Variants in PSPC1 observed in about 807,000 individuals in gnomAD.
PSPC1 encodes the protein paraspeckle component 1.
Under a neutral mutation model 51.6 loss-of-function variants are expected in PSPC1, and 14 were observed. The ratio of observed to expected loss-of-function variants is 0.27; its 90% CI spans 0.18 to 0.42. The LOEUF (loss-of-function observed/expected upper bound fraction) is 0.42. Ranked by LOEUF, PSPC1 falls within the 10% of genes least tolerant of loss-of-function variation. PSPC1 has a pLI of 1.00. For synonymous variants in PSPC1, 193 were observed against 231.9 expected, an observed-to-expected ratio of 0.83 and a Z score of 1.53; for missense variants, 406 against 701.1, an observed-to-expected ratio of 0.58 and a Z score of 4.75.
intron 6 of PSPC1, among the ~76,000 whole-genome samples, chr13:19,721,361 G>A (rs1001812431): frequency 6.6e-6 from 1 of 152,118 alleles, no homozygotes; most frequent in Non-Finnish European, 1.5e-5. Flanking sequence ...CTATTTGCCG[G>A]TCTTGACTCT....
At chr13:19,691,583 A>G (rs1284435396) in intron 6 of PSPC1, among the ~76,000 whole-genome samples, 5 of 152,002 alleles carry the variant, frequency 3.3e-5, no homozygotes, top group Non-Finnish European at 5.9e-5. Flanking sequence ...ACATGAATGA[A>G]AAGACTTGAT....
At chr13:19,681,507 C>T (rs974874378) in intron 6 of PSPC1, among the ~76,000 whole-genome samples, 14 of 152,066 alleles carry the variant, frequency 9.2e-5, no homozygotes, top group African/African-American at 3.1e-4. Context: ...TTACAACATA[C>T]GAATTGTAAA....
chr13:19,730,388 G>T, intron 5 of PSPC1, 44 bp from the exon 6 acceptor site: 1 of 1,517,560 alleles, frequency 6.6e-7, no homozygotes, highest in Non-Finnish European at 9.1e-7. Flanking sequence ...TAACATGTGG[G>T]CTGCCATTGG....
At chr13:19,737,282 AC>A (rs1287110077) in intron 5 of PSPC1, 1 of 152,034 alleles carries the variant, frequency 6.6e-6, no homozygotes, top group East Asian at 1.9e-4. Flanking sequence ...CTGTTCCAAT[AC>A]CTTATCCAGA....
At chr13:19,690,144 G>A (rs894574119) in intron 6 of PSPC1, among the ~76,000 whole-genome samples, 2 of 152,194 alleles carry the variant, frequency 1.3e-5, no homozygotes, top group African/African-American at 4.8e-5. Context: ...TATATCCAAT[G>A]TATCAAAACC....
chr13:19,741,684 T>C, intron 4 of PSPC1, 35 bp from the exon 5 acceptor site: 4 of 1,367,176 alleles, frequency 2.9e-6, no homozygotes, highest in Non-Finnish European at 4.1e-6. Context: ...ATATTTTTAG[T>C]TTCCCTTTCC....
intron 6 of PSPC1, among the ~76,000 whole-genome samples, chr13:19,715,907 G>A (rs1461824949): frequency 2.6e-5 from 4 of 152,068 alleles, no homozygotes; most frequent in African/African-American, 7.2e-5. Context: ...CCAGCTACTC[G>A]GGAGGCTGAG....
chr13:19,777,118 TAA>T (rs34432573), intron 1 of PSPC1, among the ~76,000 whole-genome samples: 8 of 87,386 alleles, frequency 9.2e-5, no homozygotes, highest in Admixed American at 1.5e-4. Flanking sequence ...AGGCTCCATC[TAA>T]AAAAAAAAAA....
chr13:19,754,924 G>A (rs781080520), intron 3 of PSPC1, among the ~76,000 whole-genome samples: 3 of 152,054 alleles, frequency 2.0e-5, no homozygotes, highest in Non-Finnish European at 4.4e-5. Context: ...GGAAATCACA[G>A]GAACCCTTTA....
At chr13:19,705,931 A>G in intron 7 of PSPC1, 100 bp from the exon 8 acceptor site, 1 of 1,066,856 alleles carries the variant, frequency 9.4e-7, no homozygotes, top group African/African-American at 1.6e-5. Flanking sequence ...GACCATTATC[A>G]AAATTATTTT....
At chr13:19,754,981 C>G (rs1322225843) in intron 3 of PSPC1, among the ~76,000 whole-genome samples, 2 of 152,034 alleles carry the variant, frequency 1.3e-5, no homozygotes. Flanking sequence ...ACCTGTAAAC[C>G]CAACACTTTG....
intron 6 of PSPC1, among the ~76,000 whole-genome samples, chr13:19,688,291 G>A (rs1036108785): frequency 1.3e-5 from 2 of 151,964 alleles, no homozygotes; most frequent in African/African-American, 4.8e-5. Flanking sequence ...CTACTGAACT[G>A]TACACATAGC....
At chr13:19,677,546 G>A (rs1035456791) in intron 7 of PSPC1, among the ~76,000 whole-genome samples, 1 of 152,164 alleles carries the variant, frequency 6.6e-6, no homozygotes, top group African/African-American at 2.4e-5. Flanking sequence ...AAGCTATAGA[G>A]GCTTCAGCTT....
chr13:19,674,336 A>AAAACT (rs1357606485), downstream of PSPC1, among the ~76,000 whole-genome samples: 13 of 152,238 alleles, frequency 8.5e-5, no homozygotes, highest in African/African-American at 2.2e-4. Context: ...CAGAAATAGA[A>AAAACT]AAACTATTCC....
intron 3 of PSPC1, among the ~76,000 whole-genome samples, chr13:19,753,726 A>C (rs1265086995): frequency 6.6e-6 from 1 of 152,184 alleles, no homozygotes; most frequent in Non-Finnish European, 1.5e-5. Flanking sequence ...GGAGAGAAGA[A>C]GGCTGTCACA....
chr13:19,777,629 T>C (rs2138359437), intron 1 of PSPC1, among the ~76,000 whole-genome samples: 1 of 152,136 alleles, frequency 6.6e-6, no homozygotes, highest in South Asian at 2.1e-4. Context: ...TTGAAGCCAC[T>C]TACATGTTGA....
chr13:19,770,279 G>C (rs796468897), intron 2 of PSPC1, among the ~76,000 whole-genome samples: 54 of 152,222 alleles, frequency 3.5e-4, no homozygotes, highest in African/African-American at 1.3e-3. Flanking sequence ...ACTGTAAAAG[G>C]GCACAAGGGA....
intron 2 of PSPC1, among the ~76,000 whole-genome samples, chr13:19,764,955 C>T (rs1280990262): frequency 1.3e-5 from 2 of 151,846 alleles, no homozygotes; most frequent in Non-Finnish European, 2.9e-5. Flanking sequence ...CCAAGCTACA[C>T]ATAATTTTTA....
At chr13:19,770,606 G>C (rs1888534043) in intron 2 of PSPC1, among the ~76,000 whole-genome samples, 1 of 152,058 alleles carries the variant, frequency 6.6e-6, no homozygotes, top group Non-Finnish European at 1.5e-5. Context: ...TGCCCAACAT[G>C]GTGAAACCCC....
Sources: gnomAD v4.1 joint callset for allele counts (sites outside exome capture counted in the v4.1 genomes callset) on GRCh38, gnomAD v4.1.1 for gene constraint, MANE v1.5 for transcripts, NCBI Gene and HGNC (gene_info 2026-07-23, HGNC 2026-07-21) for gene names.